VIL1: variants seen among roughly 807,000 people sequenced by gnomAD.
VIL1 encodes the protein villin 1, also known as villin-1.
Under a neutral mutation model 104.0 loss-of-function variants are expected in VIL1, and 86 were observed. The observed-to-expected ratio is 0.83, with a 90% CI of 0.69 to 0.99. The LOEUF (loss-of-function observed/expected upper bound fraction) is 0.99, where lower values mean the gene tolerates loss of function less well. Among genes scored for constraint, VIL1 ranks in the 50% least tolerant of loss-of-function variants. The pLI, the probability that VIL1 is intolerant of heterozygous loss-of-function variation, is 0.00. For synonymous variants in VIL1, 394 were observed against 412.6 expected (o/e 0.95, Z 0.55); for missense variants, 944 against 1,054.1 (o/e 0.90, Z 1.45).
chr2:218,440,982 G>A (rs565004076), intron 19 of VIL1, 120 bp downstream of exon 19: 26 of 1,156,998 alleles, frequency 2.2e-5, no homozygotes, highest in African/African-American at 3.1e-5. Flanking sequence ...ATGGGATCCT[G>A]CCTTCATGCC....
intron 2 of VIL1, 148 bp from the exon 3 acceptor site, chr2:218,424,129 C>G (rs1688938473): frequency 1.4e-6 from 1 of 699,392 alleles, no homozygotes; most frequent in Non-Finnish European, 2.4e-6. Flanking sequence ...CCGCCCCTCA[C>G]AGTTTTCTTC....
intron 19 of VIL1, among the ~76,000 whole-genome samples, chr2:218,446,140 C>T (rs1035224731): frequency 1.1e-4 from 17 of 152,136 alleles, no homozygotes; most frequent in African/African-American, 2.9e-4. Flanking sequence ...TACCTTCTGC[C>T]GCTACCCTCC....
chr2:218,426,393 T>C (rs1295625287), intron 4 of VIL1, among the ~76,000 whole-genome samples: 1 of 152,070 alleles, frequency 6.6e-6, no homozygotes, highest in Non-Finnish European at 1.5e-5. Context: ...TAGCTGGGAT[T>C]ACAGGCACAC....
intron 18 of VIL1, among the ~76,000 whole-genome samples, chr2:218,439,887 A>G (rs1480584477): frequency 6.6e-6 from 1 of 151,654 alleles, no homozygotes; most frequent in East Asian, 1.9e-4. Context: ...GGCCTGGGAC[A>G]CGGGAATATG....
At position 218,435,347 on chromosome 2, in the gene VIL1, C is replaced by T. The variant is rs144276467; in HGVS notation, c.1739C>T (p.Thr580Met). The change falls in exon 15 of 20, where the codon ACG becomes ATG. Residue 580 changes from threonine to methionine, a missense_variant. Physicochemically the swap from Thr to Met is moderately conservative, Grantham distance 81 (BLOSUM62 -1). Coordinates refer to ENST00000248444, the MANE Select transcript of VIL1 (RefSeq NM_007127.3). The part of the protein sequence containing the change: ...AKMVADTISR[T>M]EKQVVVEGQE... ...ATGGTTGCTGACACCATCTCCCGGA[C>T]GGAGAAGCAAGTGGTGGTGGAAGGG... The T allele has an allele frequency of 1.7e-5, 28 of 1,613,898 alleles. No homozygotes were observed. The highest frequency in any genetic ancestry group is 1.3e-4 in the South Asian group (12 of 91,080).
chr2:218,425,821 G>C lies in VIL1; in HGVS notation c.347+10G>C. 6.3e-7 allele frequency: 1 copy of C among 1,598,198 alleles called. No homozygotes were observed. Among genetic ancestry groups the C allele is most frequent in the African/African-American group, 1.3e-5 (1 of 74,838 alleles). ...TCAAGCAAGGCCTTGTGTAGGGAGG[G>C]TGGGCTGCAGGCCGGGGGAATGAGG... On this transcript the variant is annotated intron_variant, in intron 4 of 19. Transcript: ENST00000248444.
Position 218,429,463 on chromosome 2 carries a change from T to A in VIL1, c.746T>A (p.Leu249His). The A allele has an allele frequency of 1.9e-6, 3 of 1,613,956 alleles. No individual in the cohort carries two copies. The highest frequency in any genetic ancestry group is 2.5e-6 in the Non-Finnish European group (3 of 1,179,978). Reference protein sequence around the residue: ...AVPDTVVEPALKAALKLYHVS... With the variant: ...AVPDTVVEPAHKAALKLYHVS... ...CCCGACACGGTGGTGGAGCCGGCAC[T>A]CAAGGCTGCACTCAAACTGTACCAG... is the stretch of plus-strand genomic sequence containing the variant. The change falls in exon 7 of 20, where the codon CTC becomes CAC. Residue 249 changes from leucine to histidine, a missense_variant. By Grantham distance (99) the Leu-to-His change is moderately conservative. Transcript: ENST00000248444.
At chr2:218,447,519 C>A (rs1483095724) in intron 19 of VIL1, among the ~76,000 whole-genome samples, 1 of 151,820 alleles carries the variant, frequency 6.6e-6, no homozygotes, top group Non-Finnish European at 1.5e-5. Context: ...GGGGTTTCAC[C>A]ATGTTGCCCA....
rs931790830 is a variant in VIL1, at chr2:218,451,028, C to A, written c.*1692C>A. The A allele has an allele frequency of 6.6e-6, 1 of 152,126 alleles. No homozygotes were observed. Among genetic ancestry groups the A allele is most frequent in the South Asian group, 2.1e-4 (1 of 4,830 alleles). 9.4% of individuals were successfully genotyped at this position (152,126 alleles called of 1,614,324 possible). On this transcript the variant is annotated 3_prime_UTR_variant, in exon 20 of 20. Transcript: ENST00000248444. ...ACACAGCAAAATAATTGTCACAAAA[C>A]TTTCAAGGCCTAACAAATTAGAATT...
At chr2:218,428,630 C>T (rs199900355) in intron 6 of VIL1, among the ~76,000 whole-genome samples, 2 of 152,226 alleles carry the variant, frequency 1.3e-5, no homozygotes, top group South Asian at 2.1e-4. Flanking sequence ...AGTACATTGA[C>T]GCTGTGTGTG....
At chr2:218,432,500 T>C (rs1431381281) in intron 12 of VIL1, 3 of 691,456 alleles carry the variant, frequency 4.3e-6, no homozygotes, top group Non-Finnish European at 7.9e-6. Flanking sequence ...GTGCCTGTGA[T>C]GTCTCCCTGA....
intron 12 of VIL1, chr2:218,432,517 A>G (rs1248940767): frequency 2.9e-6 from 2 of 696,332 alleles, no homozygotes; most frequent in East Asian, 5.7e-5. Flanking sequence ...CTGAAGAAGG[A>G]GCAGAAAGGA....
chr2:218,436,212 A>G (rs1689186210), intron 15 of VIL1, among the ~76,000 whole-genome samples: 1 of 152,124 alleles, frequency 6.6e-6, no homozygotes, highest in African/African-American at 2.4e-5. Context: ...GTACTGTAGT[A>G]GCAGTAGGAG....
At chr2:218,449,074 T>C in intron 19 of VIL1, 149 bp from the exon 20 acceptor site, 1 of 674,424 alleles carries the variant, frequency 1.5e-6, no homozygotes, top group East Asian at 2.6e-5. Context: ...CTCCATCCCT[T>C]TCCTGGCTCT....
Position 218,437,242 on chromosome 2 carries a change from T to TG in VIL1, c.2092dup (p.Val698GlyfsTer24). ...CGTGACCCTGAGACCCCCATCATTG[T>TG]GGTGAAGCAGGGACACGAGCCCCCC... On this transcript the variant is annotated frameshift_variant, in exon 17 of 20. Coordinates refer to ENST00000248444, the MANE Select transcript of VIL1 (RefSeq NM_007127.3). LOFTEE classifies it high-confidence loss of function. 1 of 1,614,178 alleles carries TG rather than the reference T, an allele frequency of 6.2e-7. No homozygotes were observed. Among genetic ancestry groups the TG allele is most frequent in the Non-Finnish European group, 8.5e-7 (1 of 1,180,010 alleles).
At chr2:218,427,886 G>A (rs553892170) in intron 4 of VIL1, 79 bp from the exon 5 acceptor site, 4 of 1,389,584 alleles carry the variant, frequency 2.9e-6, no homozygotes, top group Admixed American at 3.4e-5. Context: ...ACCCCAGCGT[G>A]GCAGCCAGGA....
chr2:218,434,178 CAAGAGCAAAACTCCGTCTCAAAA>C (rs1689145689), intron 13 of VIL1, among the ~76,000 whole-genome samples: 1 of 134,884 alleles, frequency 7.4e-6, no homozygotes, highest in African/African-American at 2.9e-5. Flanking sequence ...GCCTGGGGAA[CAAGAGCAAAACTCCGTCTCAAAA>C]AAAAAAAAAA....
intron 3 of VIL1, among the ~76,000 whole-genome samples, chr2:218,425,361 G>A (rs1299179485): frequency 9.9e-5 from 15 of 152,210 alleles, no homozygotes; most frequent in African/African-American, 3.1e-4. Flanking sequence ...GATTACAGGC[G>A]TGAGCCACTG....
chr2:218,445,918 G>A (rs909919607), intron 19 of VIL1, among the ~76,000 whole-genome samples: 3 of 152,140 alleles, frequency 2.0e-5, no homozygotes, highest in Non-Finnish European at 4.4e-5. Flanking sequence ...GGCTTAGAAA[G>A]GTAGTGACTC....
Sources: gnomAD v4.1 joint callset for allele counts (sites outside exome capture counted in the v4.1 genomes callset) on GRCh38, gnomAD v4.1.1 for gene constraint, MANE v1.5 for transcripts, NCBI Gene and HGNC (gene_info 2026-07-23, HGNC 2026-07-21) for gene names.